The following AFF4 variants were observed in gnomAD, a reference collection of about 807,000 sequenced individuals.
AFF4 encodes ALF transcription elongation factor 4, also known as AF4/FMR2 family member 4.
A neutral mutation model predicts 124.8 loss-of-function variants in AFF4; 13 were observed. That is an observed-to-expected ratio of 0.10 (90% CI 0.07 to 0.17). The LOEUF is 0.17. Among genes scored for constraint, AFF4 ranks in the 10% least tolerant of loss-of-function variants. The pLI is 1.00. For synonymous variants in AFF4, 477 were observed against 496.1 expected, an observed-to-expected ratio of 0.96 and a Z score of 0.51; for missense variants, 1,092 against 1,403.8, an observed-to-expected ratio of 0.78 and a Z score of 3.55.
intron 5 of AFF4, among the ~76,000 whole-genome samples, chr5:132,907,426 A>C (rs1760696437): frequency 6.6e-6 from 1 of 152,222 alleles, no homozygotes; most frequent in African/African-American, 2.4e-5. Context: ...AATGATAAGC[A>C]AAAACTGACA....
chr5:132,915,037 T>TA lies in AFF4; in HGVS notation c.1051-10634dup, dbSNP rs915281872. Among the ~76,000 whole-genome samples, 24 of 150,902 alleles carry TA rather than the reference T, an allele frequency of 1.6e-4. No homozygotes were observed. In the East Asian group the frequency reaches 2.1e-3, roughly 13 times the overall value. On this transcript the variant is annotated intron_variant, in intron 5 of 20. Transcript: ENST00000265343. ...CCAGAGATAAATTCTAACAAACACT[T>TA]AAAAAAAAATACCATTTCTGGCCAG...
At position 132,875,429 on chromosome 5, in the gene AFF4, CTT is replaced by C. The variant is rs1477639559; in HGVS notation, c.*5628_*5629del. On this transcript the variant is annotated 3_prime_UTR_variant, in exon 21 of 21. Transcript: ENST00000265343. ...GAAAATCTATTTGATATTTATTAAA[CTT>C]AGTTTCTCCAACTATGGTTTGGCAT... is the stretch of plus-strand genomic sequence containing the variant. The C allele has an allele frequency of 5.5e-6, 1 of 180,354 alleles. No homozygotes were observed. The highest frequency in any genetic ancestry group is 2.4e-5 in the African/African-American group (1 of 42,342). 11.2% of individuals were successfully genotyped at this position (180,354 alleles called of 1,614,324 possible).
chr5:132,875,954 C>T lies in AFF4; in HGVS notation c.*5105G>A, dbSNP rs571919442. On this transcript the variant is annotated 3_prime_UTR_variant, in exon 21 of 21. Transcript: ENST00000265343. ...GCTTTTAATTTATCAGTGACATTAT[C>T]TCCCCTCCAAAACCCTCCCCAAATA... 1 of 226,818 alleles carries T rather than the reference C, an allele frequency of 4.4e-6. No individual in the cohort carries two copies. Among genetic ancestry groups the T allele is most frequent in the Non-Finnish European group, 8.8e-6 (1 of 113,936 alleles). The allele number at this position is 226,818 out of a possible 1,614,324, so 14.1% of individuals were successfully genotyped here. A position where few individuals can be genotyped will look rare whatever the true frequency, so the allele number is the denominator to read the frequency against.
At chr5:132,938,941 C>CAAAAAAAA (rs762784790) in intron 1 of AFF4, among the ~76,000 whole-genome samples, 1 of 38,338 alleles carries the variant, frequency 2.6e-5, no homozygotes. Flanking sequence ...AGACTCATCT[C>CAAAAAAAA]AAAAAAAAAA....
chr5:132,883,594 G>T, intron 19 of AFF4, 34 bp from the exon 20 acceptor site: 3 of 1,583,818 alleles, frequency 1.9e-6, no homozygotes, highest in Non-Finnish European at 2.6e-6. Flanking sequence ...TGTTCATATG[G>T]ACATGGTAAG....
intron 10 of AFF4, 115 bp downstream of exon 10, chr5:132,898,115 G>T: frequency 7.6e-7 from 1 of 1,315,166 alleles, no homozygotes; most frequent in African/African-American, 1.5e-5. Context: ...ATTTCTTTTT[G>T]TCAGACTATG....
chr5:132,889,267 A>G, intron 13 of AFF4, 94 bp from the exon 14 acceptor site: 1 of 803,084 alleles, frequency 1.2e-6, no homozygotes. Context: ...AAAGGAAACA[A>G]AATTTCATTG....
intron 5 of AFF4, among the ~76,000 whole-genome samples, chr5:132,906,241 G>A (rs563632378): frequency 1.3e-5 from 2 of 152,284 alleles, no homozygotes; most frequent in South Asian, 4.1e-4. Context: ...ACATGACCCA[G>A]CCATTCCACT....
At position 132,934,513 on chromosome 5, in the gene AFF4, G is replaced by A. The variant is rs775519542; in HGVS notation, c.552C>T (p.Pro184=). 2 of 1,613,936 alleles carry A rather than the reference G, an allele frequency of 1.2e-6. No homozygotes were observed. The highest frequency in any genetic ancestry group is 8.5e-7 in the Non-Finnish European group (1 of 1,180,028). The part of the protein sequence containing the change: ...SKSRSSSPGK[P]QAVSSLNSSH... Reference sequence around the variant, plus strand: ...TAGAGTTTAATGAAGAAACAGCCTGGGGTTTTCCAGGGCTGGAAGAACGTG... The same window carrying A: ...TAGAGTTTAATGAAGAAACAGCCTGAGGTTTTCCAGGGCTGGAAGAACGTG... Residue 184 remains proline, a synonymous_variant, in exon 3 of 21, where the codon CCC becomes CCT. Transcript: ENST00000265343.
intron 11 of AFF4, among the ~76,000 whole-genome samples, chr5:132,893,956 C>A (rs1490092422): frequency 6.6e-6 from 1 of 152,122 alleles, no homozygotes; most frequent in African/African-American, 2.4e-5. Context: ...TGGCTCCTTT[C>A]ATTTAGTGTA....
At chr5:132,897,338 C>T in intron 10 of AFF4, 98 bp from the exon 11 acceptor site, 7 of 1,275,524 alleles carry the variant, frequency 5.5e-6, no homozygotes, top group Non-Finnish European at 7.7e-6. Flanking sequence ...ACCACAATGC[C>T]TAATGCAACA....
chr5:132,956,939 G>C (rs1303208487), intron 1 of AFF4, among the ~76,000 whole-genome samples: 1 of 131,378 alleles, frequency 7.6e-6, no homozygotes, highest in Non-Finnish European at 1.6e-5. Context: ...AGAATCAGTT[G>C]AACCTGGGAG....
At chr5:132,925,112 T>C (rs1267595089) in intron 5 of AFF4, among the ~76,000 whole-genome samples, 1 of 151,710 alleles carries the variant, frequency 6.6e-6, no homozygotes, top group Non-Finnish European at 1.5e-5. Flanking sequence ...GAGGCAGAGG[T>C]TGCAGTGAGC....
Position 132,889,008 on chromosome 5 carries a change from G to GA in AFF4, c.2732+70dup. The GA allele has an allele frequency of 2.8e-6, 4 of 1,442,506 alleles. No individual in the cohort carries two copies. The South Asian group carries it at 3.5e-5, about 13-fold the overall frequency. The allele number at this position is 1,442,506 out of a possible 1,614,324, so 89.4% of individuals were successfully genotyped here. ...ACCGCGCCCGGCCAATGATAGAAAT[G>GA]AAAATGAGTTTCTTATATGCTGACT... On this transcript the variant is annotated intron_variant, in intron 14 of 20. Coordinates refer to ENST00000265343, the MANE Select transcript of AFF4 (RefSeq NM_014423.4).
chr5:132,907,625 T>A (rs370624879), intron 5 of AFF4, among the ~76,000 whole-genome samples: 1 of 151,154 alleles, frequency 6.6e-6, no homozygotes, highest in Non-Finnish European at 1.5e-5. Flanking sequence ...TGTGTGCATA[T>A]GTGTGTGTGT....
chr5:132,904,234 A>G, intron 6 of AFF4, 134 bp downstream of exon 6: 2 of 837,278 alleles, frequency 2.4e-6, no homozygotes, highest in Non-Finnish European at 3.7e-6. Context: ...TCCAGAAAAA[A>G]AAAAAAAGAA....
chr5:132,914,681 A>C (rs1760868594), intron 5 of AFF4, among the ~76,000 whole-genome samples: 1 of 152,114 alleles, frequency 6.6e-6, no homozygotes, highest in Non-Finnish European at 1.5e-5. Flanking sequence ...GCAATAAAAA[A>C]CAAAAACAAC....
intron 5 of AFF4, 143 bp from the exon 6 acceptor site, chr5:132,904,547 A>G: frequency 1.4e-6 from 1 of 689,732 alleles, no homozygotes; most frequent in Non-Finnish European, 2.4e-6. Flanking sequence ...AGCCTTGGCA[A>G]TTTTGGGATC....
At chr5:132,940,162 T>TGGACTCCAGCCTGGGTGACAAGAGCA (rs1761533573) in intron 1 of AFF4, among the ~76,000 whole-genome samples, 1 of 151,472 alleles carries the variant, frequency 6.6e-6, no homozygotes, top group Non-Finnish European at 1.5e-5. Flanking sequence ...ATCGCACCAC[T>TGGACTCCAGCCTGGGTGACAAGAGCA]GGACTCCAGC....
Sources: allele counts gnomAD v4.1 joint callset (sites outside exome capture counted in the v4.1 genomes callset), GRCh38; gene constraint gnomAD v4.1.1; transcripts MANE v1.5; gene names NCBI Gene and HGNC (gene_info 2026-07-23, HGNC 2026-07-21).